The following CRPPA variants were observed in gnomAD, a reference collection of about 807,000 sequenced individuals.
CRPPA encodes the protein D-ribitol-5-phosphate cytidylyltransferase.
A neutral mutation model predicts 52.0 loss-of-function variants in CRPPA; 43 were observed. The observed-to-expected ratio is 0.83, with a 90% confidence interval of 0.65 to 1.07. The LOEUF (loss-of-function observed/expected upper bound fraction) is 1.07. CRPPA is among the 50% of genes least tolerant of loss of function. The probability of loss-of-function intolerance (pLI) is 0.00; values close to 1 mark genes in which losing one functional copy is unlikely to be tolerated. For missense variants in CRPPA, 629 were observed against 551.7 expected (o/e 1.14, Z -1.40); for synonymous variants, 250 against 203.5 (o/e 1.23, Z -1.94).
chr7:16,165,272 A>C (rs1448443693), intron 9 of CRPPA, among the ~76,000 whole-genome samples: 2 of 152,184 alleles, frequency 1.3e-5, no homozygotes, highest in Admixed American at 6.5e-5. Flanking sequence ...ATCACCTGTA[A>C]ATATTTATGA....
intron 9 of CRPPA, among the ~76,000 whole-genome samples, chr7:16,134,078 C>A (rs1782722789): frequency 8.1e-6 from 1 of 123,628 alleles, no homozygotes; most frequent in African/African-American, 2.6e-5. Flanking sequence ...ACTACAGGCG[C>A]CCGCCACCAC....
chr7:16,269,354 A>G (rs1388478563), intron 6 of CRPPA: 1 of 152,190 alleles, frequency 6.6e-6, no homozygotes, highest in Non-Finnish European at 1.5e-5. Context: ...ACTAAGCCTT[A>G]TAACATAAAA....
intron 6 of CRPPA, among the ~76,000 whole-genome samples, chr7:16,263,383 A>C (rs1379996680): frequency 6.6e-6 from 1 of 152,194 alleles, no homozygotes; most frequent in Admixed American, 6.5e-5. Context: ...TATTGACTTC[A>C]ATATCTACTT....
chr7:16,361,769 G>T (rs1034179180), intron 3 of CRPPA, among the ~76,000 whole-genome samples: 2 of 152,186 alleles, frequency 1.3e-5, no homozygotes, highest in African/African-American at 4.8e-5. Flanking sequence ...TTGCACAAAA[G>T]TGTGAATGTA....
rs886062169 is a variant in CRPPA, at chr7:16,406,153, T to G, written c.442A>C (p.Lys148Gln). 3.1e-6 allele frequency: 5 copies of G among 1,613,938 alleles called. No homozygotes were observed. The highest frequency in any genetic ancestry group is 4.2e-6 in the Non-Finnish European group (5 of 1,179,864). ...TCATGGATAATCACTACTTCTGGCT[T>G]AGAGAGTTTAGAGTTGATCTGATCT... ...AEDQINSKLSKPEVVIIHDAV... is the reference protein window; with the variant it reads ...AEDQINSKLSQPEVVIIHDAV... The change falls in exon 2 of 10, where the codon AAG becomes CAG. Residue 148 changes from lysine to glutamine, a missense_variant. Lys to Gln is a moderately conservative substitution (Grantham distance 53, BLOSUM62 1). Coordinates refer to ENST00000407010, the MANE Select transcript of CRPPA (RefSeq NM_001101426.4).
Position 16,318,675 on chromosome 7 carries a change from C to A in CRPPA, c.685-10048G>T, listed in dbSNP as rs538321408. ...ACTGGAGGGGCAGCAACCAACCAGA[C>A]CATGCCTTCCTTAAGGCAATAAAAG... On this transcript the variant is annotated intron_variant, in intron 3 of 9. Coordinates refer to ENST00000407010, the MANE Select transcript of CRPPA (RefSeq NM_001101426.4). Among the ~76,000 whole-genome samples the A allele has an allele frequency of 3.3e-5, 5 of 152,246 alleles. No homozygotes were observed. In the South Asian group the frequency reaches 1.0e-3, roughly 32 times the overall value.
chr7:16,197,712 C>G (rs1023773043), intron 9 of CRPPA, among the ~76,000 whole-genome samples: 1 of 149,828 alleles, frequency 6.7e-6, no homozygotes, highest in African/African-American at 2.5e-5. Flanking sequence ...AATCTCTGCA[C>G]TAGAGGCAAT....
chr7:16,321,993 A>G (rs1271725041), intron 3 of CRPPA, among the ~76,000 whole-genome samples: 1 of 152,140 alleles, frequency 6.6e-6, no homozygotes, highest in Non-Finnish European at 1.5e-5. Context: ...TAAAAGAGAC[A>G]AGAACATTCT....
intron 8 of CRPPA, among the ~76,000 whole-genome samples, chr7:16,251,052 CA>C (rs570099770): frequency 3.7e-4 from 51 of 136,364 alleles, no homozygotes; most frequent in Admixed American, 3.7e-4. Flanking sequence ...AAATGGAAAG[CA>C]AAAAAAAAAG....
chr7:16,124,274 G>A (rs905804991), intron 9 of CRPPA, among the ~76,000 whole-genome samples: 1 of 151,998 alleles, frequency 6.6e-6, no homozygotes, highest in Non-Finnish European at 1.5e-5. Context: ...TTGTGGTTTA[G>A]ATTTGCTAAT....
intron 9 of CRPPA, among the ~76,000 whole-genome samples, chr7:16,161,067 G>T (rs1054782727): frequency 6.6e-6 from 1 of 152,158 alleles, no homozygotes; most frequent in Admixed American, 6.5e-5. Context: ...TTTGGGCTGA[G>T]ATAATGGTGT....
intron 9 of CRPPA, among the ~76,000 whole-genome samples, chr7:16,177,820 A>G (rs10225387): frequency 0.035 from 5,256 of 152,158 alleles, 298 homozygotes; most frequent in African/African-American, 0.12. Context: ...TATAAAACCA[A>G]CTATCTTCTT....
intron 2 of CRPPA, among the ~76,000 whole-genome samples, chr7:16,379,787 G>C (rs927478386): frequency 1.3e-5 from 2 of 152,228 alleles, no homozygotes; most frequent in Admixed American, 1.3e-4. Context: ...TTGGCTCTCT[G>C]TTTGTCTGTT....
chr7:16,397,261 C>A (rs963020610), intron 2 of CRPPA, among the ~76,000 whole-genome samples: 3 of 152,090 alleles, frequency 2.0e-5, no homozygotes, highest in African/African-American at 7.2e-5. Flanking sequence ...TACACATGAC[C>A]AACACAACAT....
intron 9 of CRPPA, among the ~76,000 whole-genome samples, chr7:16,154,105 C>T (rs1043377902): frequency 4.0e-5 from 6 of 150,802 alleles, no homozygotes; most frequent in African/African-American, 1.5e-4. Flanking sequence ...AATAACCTGA[C>T]GTTAGCAGCG....
chr7:16,359,162 C>T (rs935461027), intron 3 of CRPPA, among the ~76,000 whole-genome samples: 3 of 152,082 alleles, frequency 2.0e-5, no homozygotes, highest in African/African-American at 7.2e-5. Flanking sequence ...CCCTCTGTCA[C>T]CCAAGCTGGA....
At chr7:16,350,142 T>A (rs1008874619) in intron 3 of CRPPA, among the ~76,000 whole-genome samples, 3 of 151,834 alleles carry the variant, frequency 2.0e-5, no homozygotes, top group African/African-American at 4.8e-5. Context: ...AAGAATAGAA[T>A]ACCCAGGAAG....
At chr7:16,408,119 A>AT (rs1428049562) in intron 1 of CRPPA, among the ~76,000 whole-genome samples, 18 of 150,772 alleles carry the variant, frequency 1.2e-4, no homozygotes, top group African/African-American at 4.2e-4. Flanking sequence ...AAAAAAAAAA[A>AT]AATAAAAAAA....
chr7:16,338,885 G>A (rs995367654), intron 3 of CRPPA, among the ~76,000 whole-genome samples: 5 of 147,614 alleles, frequency 3.4e-5, no homozygotes, highest in East Asian at 2.0e-4. Flanking sequence ...GCATGATCTC[G>A]GCTCACTGCA....
Sources: gnomAD v4.1 joint callset for allele counts (sites outside exome capture counted in the v4.1 genomes callset) on GRCh38, gnomAD v4.1.1 for gene constraint, MANE v1.5 for transcripts, NCBI Gene and HGNC (gene_info 2026-07-23, HGNC 2026-07-21) for gene names.